The following GPR83 variants were observed in gnomAD, a reference collection of about 807,000 sequenced individuals.
GPR83 encodes the protein G protein-coupled receptor 83, also known as G-protein coupled receptor 72.
A neutral mutation model predicts 28.0 loss-of-function variants in GPR83; 23 were observed. The observed-to-expected ratio is 0.82, with a 90% CI of 0.59 to 1.16. The LOEUF is 1.16. Among genes scored for constraint, GPR83 ranks in the 50% most tolerant of loss-of-function variants. The pLI, the probability that GPR83 is intolerant of heterozygous loss-of-function variation, is 0.00. For synonymous variants in GPR83, 234 were observed against 215.4 expected (o/e 1.09, Z -0.76); for missense variants, 610 against 536.6 (o/e 1.14, Z -1.35).
intron 3 of GPR83, among the ~76,000 whole-genome samples, chr11:94,382,879 T>C (rs1944707710): frequency 6.6e-6 from 1 of 151,902 alleles, no homozygotes; most frequent in Non-Finnish European, 1.5e-5. Flanking sequence ...AGAAACTCAC[T>C]CAAGGCCGGG....
intron 3 of GPR83, among the ~76,000 whole-genome samples, chr11:94,385,655 A>T (rs1944746611): frequency 6.6e-6 from 1 of 152,230 alleles, no homozygotes; most frequent in Non-Finnish European, 1.5e-5. Context: ...AGAAAAATGA[A>T]TAAAAAGAAA....
intron 2 of GPR83, 141 bp from the exon 3 acceptor site, chr11:94,393,759 T>C (rs1944841138): frequency 1.5e-6 from 1 of 683,300 alleles, no homozygotes; most frequent in South Asian, 1.9e-5. Flanking sequence ...CCAGGAGTTC[T>C]AGACCAGACT....
chr11:94,392,594 G>A (rs1453898347), intron 3 of GPR83, among the ~76,000 whole-genome samples: 1 of 152,126 alleles, frequency 6.6e-6, no homozygotes, highest in Non-Finnish European at 1.5e-5. Flanking sequence ...GGAGCCCAAG[G>A]TAGGCGGATA....
Position 94,378,322 on chromosome 11 carries a change from C to A in GPR83, c.*1827G>T, listed in dbSNP as rs1944642247. ...GAGGTCTAAGTGACAAACTCTTTCT[C>A]CCTCAAACCTTAGTTTCCTACTGAG... is the stretch of plus-strand genomic sequence containing the variant. On this transcript the variant is annotated 3_prime_UTR_variant, in exon 4 of 4. Coordinates refer to ENST00000243673, the MANE Select transcript of GPR83 (RefSeq NM_016540.4). 6.6e-6 allele frequency: 1 copy of A among 152,220 alleles called. No homozygotes were observed. The highest frequency in any genetic ancestry group is 2.4e-5 in the African/African-American group (1 of 41,454). The allele number at this position is 152,220 out of a possible 1,614,324, so 9.4% of individuals were successfully genotyped here. A position where few individuals can be genotyped will look rare whatever the true frequency, so the allele number is the denominator to read the frequency against.
In GPR83 at chr11:94,401,218, G is replaced by C. The variant is rs368324551; in HGVS notation, c.30C>G (p.Leu10=). 6.2e-7 allele frequency: 1 copy of C among 1,611,378 alleles called. No homozygotes were observed. Among genetic ancestry groups the C allele is most frequent in the East Asian group, 2.2e-5 (1 of 44,812 alleles). Residue 10 remains leucine (L), a synonymous_variant, in exon 1 of 4, where the codon CTC becomes CTG. Coordinates refer to ENST00000243673, the MANE Select transcript of GPR83 (RefSeq NM_016540.4). The part of the protein sequence containing the change: MVPHLLLLC[L]LPLVRATEPH... ...GCTCGGTGGCTCGCACCAAGGGGAGGAGACAGAGCAGCAAGAGGTGAGGGA... is the reference window on the plus strand; with the variant it reads ...GCTCGGTGGCTCGCACCAAGGGGAGCAGACAGAGCAGCAAGAGGTGAGGGA...
At chr11:94,395,259 A>C (rs1944855107) in intron 2 of GPR83, among the ~76,000 whole-genome samples, 1 of 152,192 alleles carries the variant, frequency 6.6e-6, no homozygotes, top group Non-Finnish European at 1.5e-5. Context: ...ACCTTTAGAC[A>C]CTTCTATGAG....
chr11:94,387,064 C>T (rs1944765062), intron 3 of GPR83, among the ~76,000 whole-genome samples: 1 of 152,156 alleles, frequency 6.6e-6, no homozygotes, highest in South Asian at 2.1e-4. Flanking sequence ...GAACAACCTG[C>T]TCCTGAATGA....
chr11:94,388,837 T>C (rs966720598), intron 3 of GPR83, among the ~76,000 whole-genome samples: 1 of 152,128 alleles, frequency 6.6e-6, no homozygotes, highest in Non-Finnish European at 1.5e-5. Flanking sequence ...AAAGTTCATA[T>C]GGAACCAAAA....
intron 3 of GPR83, among the ~76,000 whole-genome samples, chr11:94,381,721 C>T (rs1268508902): frequency 6.6e-6 from 1 of 152,136 alleles, no homozygotes; most frequent in Non-Finnish European, 1.5e-5. Flanking sequence ...TAAGGCCACT[C>T]AAGGCCCTTC....
At chr11:94,385,377 G>T (rs1425278600) in intron 3 of GPR83, among the ~76,000 whole-genome samples, 1 of 152,174 alleles carries the variant, frequency 6.6e-6, no homozygotes, top group East Asian at 1.9e-4. Context: ...AGAGAAGAAG[G>T]CTTCAGACGA....
At chr11:94,388,933 G>C (rs1357475586) in intron 3 of GPR83, among the ~76,000 whole-genome samples, 1 of 152,102 alleles carries the variant, frequency 6.6e-6, no homozygotes, top group Non-Finnish European at 1.5e-5. Flanking sequence ...ATACTACAAG[G>C]CTACAGTAAC....
chr11:94,380,735 G>A lies in GPR83; in HGVS notation c.686C>T (p.Pro229Leu), dbSNP rs138127383. 6.2e-6 allele frequency: 10 copies of A among 1,612,254 alleles called. No individual in the cohort carries two copies. The highest frequency in any genetic ancestry group is 1.3e-5 in the African/African-American group (1 of 74,832). The change falls in exon 4 of 4, where the codon CCT becomes CTT. Residue 229 changes from proline (P) to leucine (L), a missense_variant. Physicochemically the swap from Pro to Leu is moderately conservative, Grantham distance 98. Coordinates refer to ENST00000243673, the MANE Select transcript of GPR83 (RefSeq NM_016540.4). ...CTTCCAGAAGAGGTCAGCTGGCTCA[G>A]GGAAGTCTGGCAGGCAGAGGGAGCG... ...IVRSLCLPDF[P>L]EPADLFWKYL...
intron 3 of GPR83, 63 bp from the exon 4 acceptor site, chr11:94,380,836 C>T: frequency 2.1e-6 from 3 of 1,453,252 alleles, no homozygotes; most frequent in Non-Finnish European, 2.8e-6. Flanking sequence ...TGTGGAAAGG[C>T]TTCATCCCAA....
chr11:94,398,097 C>T (rs533972085), intron 1 of GPR83, among the ~76,000 whole-genome samples: 2 of 152,298 alleles, frequency 1.3e-5, no homozygotes, highest in Non-Finnish European at 2.9e-5. Flanking sequence ...GTCCCAAGGC[C>T]ATGGGCCTTG....
chr11:94,384,351 T>C (rs189728022), intron 3 of GPR83, among the ~76,000 whole-genome samples: 3 of 152,228 alleles, frequency 2.0e-5, no homozygotes, highest in Non-Finnish European at 2.9e-5. Flanking sequence ...ATAAGAACTA[T>C]TTATGGGGTG....
chr11:94,401,181 G>A lies in GPR83; in HGVS notation c.67C>T (p.Arg23Trp), dbSNP rs751200450. The change falls in exon 1 of 4, where the codon CGG (arginine) becomes TGG (tryptophan). Residue 23 changes from arginine (R) to tryptophan (W), a missense_variant. Physicochemically the swap from Arg to Trp is moderately radical, Grantham distance 101. Transcript: ENST00000243673. ...LVRATEPHEG[R>W]ADEQSAEAAL... ...GCCTCCGCGCTCTGCTCGTCGGCCCGGCCCTCGTGGGGCTCGGTGGCTCGC... is the reference window on the plus strand; with the variant it reads ...GCCTCCGCGCTCTGCTCGTCGGCCCAGCCCTCGTGGGGCTCGGTGGCTCGC... 8 of 1,613,486 alleles carry A rather than the reference G, an allele frequency of 5.0e-6. No individual in the cohort carries two copies. Among genetic ancestry groups the A allele is most frequent in the African/African-American group, 1.3e-5 (1 of 74,930 alleles).
At chr11:94,386,043 T>A (rs1008311745) in intron 3 of GPR83, among the ~76,000 whole-genome samples, 3 of 152,156 alleles carry the variant, frequency 2.0e-5, no homozygotes, top group African/African-American at 7.2e-5. Context: ...GGGCCAATAT[T>A]CAACACTCTT....
intron 1 of GPR83, among the ~76,000 whole-genome samples, chr11:94,398,881 G>A (rs1303508084): frequency 6.6e-6 from 1 of 152,162 alleles, no homozygotes; most frequent in African/African-American, 2.4e-5. Flanking sequence ...TTGGATTGGG[G>A]CAGCTTGATG....
rs182896939 is a variant in GPR83 at position 94,385,989 on chromosome 11, C to G, written c.648-5216G>C. ...CACAAAGGGAAGCCCATCAGACTAA[C>G]AGTGGATCTCTTGGCAGAAACCCTA... On this transcript the variant is annotated intron_variant, in intron 3 of 3. Coordinates refer to ENST00000243673, the MANE Select transcript of GPR83 (RefSeq NM_016540.4). Among the ~76,000 whole-genome samples the G allele has an allele frequency of 3.1e-3, 471 of 152,342 alleles. 1 individual carries two copies. Among genetic ancestry groups the G allele is most frequent in the African/African-American group, 0.011 (447 of 41,572 alleles).
Sources: allele counts gnomAD v4.1 joint callset (sites outside exome capture counted in the v4.1 genomes callset), GRCh38; gene constraint gnomAD v4.1.1; transcripts MANE v1.5; gene names NCBI Gene and HGNC (gene_info 2026-07-23, HGNC 2026-07-21).